Variants in ALX3 observed in about 807,000 individuals in gnomAD.
ALX3 encodes the protein homeobox protein aristaless-like 3.
A neutral mutation model predicts 26.3 loss-of-function variants in ALX3; 17 were observed. That is an observed-to-expected ratio of 0.65 (90% CI 0.44 to 0.97). The LOEUF is 0.97. Ranked by LOEUF, ALX3 falls within the 50% of genes least tolerant of loss-of-function variation. The pLI is 0.00. For missense variants in ALX3, 461 were observed against 466.5 expected (o/e 0.99, Z 0.11); for synonymous variants, 208 against 201.4 (o/e 1.03, Z -0.28).
intron 2 of ALX3, chr1:110,062,646 G>GTGCGCGCGCGCGCGCGCGCGCGC: frequency 1.6e-5 from 2 of 126,238 alleles, no homozygotes; most frequent in African/African-American, 5.7e-5. Flanking sequence ...TGTGTGTGTG[G>GTGCGCGCGCGCGCGCGCGCGCGC]AGTAATCCGT....
At chr1:110,069,185 C>A (rs1406470872) in intron 1 of ALX3, among the ~76,000 whole-genome samples, 2 of 152,258 alleles carry the variant, frequency 1.3e-5, no homozygotes, top group African/African-American at 4.8e-5. Context: ...GGCACAGACA[C>A]GAAGCTCCGC....
intron 2 of ALX3, among the ~76,000 whole-genome samples, chr1:110,064,201 C>T (rs1653723347): frequency 6.6e-6 from 1 of 152,208 alleles, no homozygotes; most frequent in Non-Finnish European, 1.5e-5. Flanking sequence ...AAAATGCGGC[C>T]ATCCCTGTGA....
rs1203144903 is a variant in ALX3 at position 110,060,056 on chromosome 1, G to A, written c.*677C>T. On this transcript the variant is annotated 3_prime_UTR_variant, in exon 4 of 4. Transcript: ENST00000647563. ...AATATCATTTCCATGGCATAGCTCT[G>A]GGCTGGTCCCGTGGAAGAGATTCCA... The A allele has an allele frequency of 6.6e-6, 1 of 152,034 alleles. No individual in the cohort carries two copies. Among genetic ancestry groups the A allele is most frequent in the Non-Finnish European group, 1.5e-5 (1 of 68,026 alleles). The allele number at this position is 152,034 out of a possible 1,614,324, so 9.4% of individuals were successfully genotyped here.
chr1:110,061,638 T>C, intron 2 of ALX3, 75 bp from the exon 3 acceptor site: 2 of 1,594,198 alleles, frequency 1.3e-6, no homozygotes, highest in South Asian at 1.1e-5. Flanking sequence ...GGAGAGCTGA[T>C]GGTTGTGTCC....
intron 1 of ALX3, 71 bp downstream of exon 1, chr1:110,070,265 C>G: frequency 7.8e-7 from 1 of 1,274,474 alleles, no homozygotes; most frequent in Non-Finnish European, 9.9e-7. Context: ...AGCAGGAAGG[C>G]CCGGGTGGGC....
At chr1:110,068,173 G>T (rs986380837) in intron 1 of ALX3, among the ~76,000 whole-genome samples, 1 of 152,364 alleles carries the variant, frequency 6.6e-6, no homozygotes, top group South Asian at 2.1e-4. Flanking sequence ...AGGCTCTGGG[G>T]CGCGCAACTG....
At chr1:110,061,896 T>C (rs1221124249) in intron 2 of ALX3, 3 of 379,742 alleles carry the variant, frequency 7.9e-6, no homozygotes, top group Non-Finnish European at 1.5e-5. Flanking sequence ...TTCCTGGGTA[T>C]ACTGTGTACA....
chr1:110,070,351 C>T lies in ALX3; in HGVS notation c.262G>A (p.Glu88Lys), dbSNP rs1036273636. 25 of 1,290,316 alleles carry T rather than the reference C, an allele frequency of 1.9e-5. No individual in the cohort carries two copies. Among genetic ancestry groups the T allele is most frequent in the African/African-American group, 1.4e-4 (9 of 66,032 alleles). The allele number at this position is 1,290,316 out of a possible 1,614,324, so 79.9% of individuals were successfully genotyped here. Reference protein sequence around the residue: ...GPALNGGHFYEGPAEAEEKTS... With the variant: ...GPALNGGHFYKGPAEAEEKTS... ...CGCGCGTTACCTTCCGCGGGGCCCT[C>T]GTAGAAGTGGCCGCCGTTGAGGGCC... is the stretch of plus-strand genomic sequence containing the variant. The change falls in exon 1 of 4, where the codon GAG becomes AAG. Residue 88 changes from glutamate to lysine, a missense_variant. By Grantham distance (56) the Glu-to-Lys change is moderately conservative. Around this residue, in one of 3 missense-constraint regions of ALX3, gnomAD observed 241 missense variants for 206.1 expected, o/e 1.17. Coordinates refer to ENST00000647563, the MANE Select transcript of ALX3 (RefSeq NM_006492.3).
chr1:110,061,099 A>C, intron 3 of ALX3, 58 bp from the exon 4 acceptor site: 1 of 1,541,150 alleles, frequency 6.5e-7, no homozygotes, highest in Non-Finnish European at 8.8e-7. Context: ...TGACTTCCCT[A>C]CCCAGGGGCT....
chr1:110,062,333 A>G (rs531733329), intron 2 of ALX3: 2 of 152,112 alleles, frequency 1.3e-5, no homozygotes, highest in Non-Finnish European at 2.9e-5. Context: ...TGTTTCTCCC[A>G]TTTATTTGTG....
At chr1:110,061,089 T>C (rs1225685331) in intron 3 of ALX3, 48 bp from the exon 4 acceptor site, 16 of 1,559,550 alleles carry the variant, frequency 1.0e-5, no homozygotes, top group African/African-American at 1.4e-5. Flanking sequence ...CCTCAGGAGC[T>C]GACTTCCCTA....
chr1:110,064,564 C>A, intron 2 of ALX3, 23 bp downstream of exon 2: 1 of 1,613,434 alleles, frequency 6.2e-7, no homozygotes, highest in Non-Finnish European at 8.5e-7. Context: ...AGCCAGAGAG[C>A]CCCATCCTTG....
chr1:110,062,645 G>GTGT (rs57279963), intron 2 of ALX3: 4,121 of 132,296 alleles, frequency 0.031, 132 homozygotes, highest in Admixed American at 0.043. Flanking sequence ...GTGTGTGTGT[G>GTGT]GAGTAATCCG....
At position 110,061,476 on chromosome 1, in the gene ALX3, A is replaced by T. The variant is rs769697275; in HGVS notation, c.682T>A (p.Tyr228Asn). ...QEGRNPFTAAYDISVLPRTDS... is the reference protein window; with the variant it reads ...QEGRNPFTAANDISVLPRTDS... ...GTACGGGGCAGCACAGAGATGTCAT[A>T]GGCAGCCGTGAAGGGGTTCCGCCCC... Residue 228 changes from tyrosine to asparagine, a missense_variant, in exon 3 of 4, where the codon TAT (tyrosine) becomes AAT (asparagine). This residue lies in a region of ALX3 where 169 missense variants were observed against 178.0 expected (regional missense o/e 0.95). Coordinates refer to ENST00000647563, the MANE Select transcript of ALX3 (RefSeq NM_006492.3). 8 of 1,614,178 alleles carry T rather than the reference A, an allele frequency of 5.0e-6. No homozygotes were observed. The highest frequency in any genetic ancestry group is 6.8e-6 in the Non-Finnish European group (8 of 1,180,018).
Position 110,070,650 on chromosome 1 carries a change from C to T in ALX3, c.-38G>A. ...CGCACAGGCCTCCGGGGCTCCGGGG[C>T]TCGCGCTGCCCGCGCCGCCTGTGAG... is the stretch of plus-strand genomic sequence containing the variant. On this transcript the variant is annotated 5_prime_UTR_variant, in exon 1 of 4. Coordinates refer to ENST00000647563, the MANE Select transcript of ALX3 (RefSeq NM_006492.3). 1 of 1,195,268 alleles carries T rather than the reference C, an allele frequency of 8.4e-7. No individual in the cohort carries two copies. The highest frequency in any genetic ancestry group is 1.0e-6 in the Non-Finnish European group (1 of 965,936). 74.0% of individuals were successfully genotyped at this position (1,195,268 alleles called of 1,614,324 possible).
chr1:110,066,010 C>T (rs1653772664), intron 1 of ALX3, among the ~76,000 whole-genome samples: 1 of 152,252 alleles, frequency 6.6e-6, no homozygotes, highest in Admixed American at 6.5e-5. Flanking sequence ...CAGCCTCTTG[C>T]CTGGCTCTGG....
chr1:110,061,726 C>T (rs1324229870), intron 2 of ALX3, 163 bp from the exon 3 acceptor site: 1 of 1,185,494 alleles, frequency 8.4e-7, no homozygotes, highest in African/African-American at 1.5e-5. Flanking sequence ...CCAGGGAAGC[C>T]TGGGAGGAAG....
intron 1 of ALX3, 80 bp from the exon 2 acceptor site, chr1:110,064,983 C>G: frequency 1.5e-6 from 2 of 1,350,056 alleles, no homozygotes; most frequent in Non-Finnish European, 2.0e-6. Flanking sequence ...GGGGGAAGAA[C>G]ATTGACGCCT....
chr1:110,062,646 G>GCGCGCGCGCGCGCGCGCGCGCGCTGTC, intron 2 of ALX3: 1 of 126,238 alleles, frequency 7.9e-6, no homozygotes, highest in African/African-American at 2.8e-5. Flanking sequence ...TGTGTGTGTG[G>GCGCGCGCGCGCGCGCGCGCGCGCTGTC]AGTAATCCGT....
Sources: allele counts gnomAD v4.1 joint callset (sites outside exome capture counted in the v4.1 genomes callset), GRCh38; gene constraint gnomAD v4.1.1; regional missense constraint gnomAD v4.1.1; transcripts MANE v1.5; gene names NCBI Gene and HGNC (gene_info 2026-07-23, HGNC 2026-07-21).